Variants in SPAG16 observed in about 807,000 individuals in gnomAD.
SPAG16 encodes sperm-associated antigen 16 protein.
SPAG16 carries 86 observed loss-of-function variants against 80.4 expected under a neutral mutation model. The ratio of observed to expected loss-of-function variants is 1.07; its 90% CI spans 0.90 to 1.28. SPAG16 has a LOEUF of 1.28. SPAG16 is among the 50% of genes most tolerant of loss of function. The probability of loss-of-function intolerance (pLI) is 0.00; values close to 1 mark genes in which losing one functional copy is unlikely to be tolerated. For missense variants in SPAG16, 870 were observed against 765.3 expected, an observed-to-expected ratio of 1.14 and a Z score of -1.61; for synonymous variants, 294 against 265.9, an observed-to-expected ratio of 1.11 and a Z score of -1.03.
intron 9 of SPAG16, among the ~76,000 whole-genome samples, chr2:213,435,876 C>T (rs191891534): frequency 7.2e-5 from 11 of 152,200 alleles, no homozygotes; most frequent in African/African-American, 2.4e-4. Flanking sequence ...TTTATAATCC[C>T]GGTACTACTT....
At chr2:213,345,845 G>C (rs2064949547) in intron 6 of SPAG16, among the ~76,000 whole-genome samples, 1 of 152,132 alleles carries the variant, frequency 6.6e-6, no homozygotes, top group Admixed American at 6.5e-5. Context: ...TTTTGCTTAG[G>C]ATTGACTTAG....
At chr2:213,888,129 TTA>T (rs573517773) in intron 11 of SPAG16, among the ~76,000 whole-genome samples, 61 of 152,064 alleles carry the variant, frequency 4.0e-4, no homozygotes, top group Non-Finnish European at 7.5e-4. Context: ...TTGAATAGAC[TTA>T]TGTTTTCTTA....
chr2:213,891,654 C>T (rs1484658281), intron 11 of SPAG16, among the ~76,000 whole-genome samples: 3 of 151,948 alleles, frequency 2.0e-5, no homozygotes, highest in Non-Finnish European at 2.9e-5. Context: ...AACAGAAAGC[C>T]GAAAACAAAT....
At chr2:214,184,942 T>A (rs2057421708) in intron 15 of SPAG16, among the ~76,000 whole-genome samples, 1 of 152,130 alleles carries the variant, frequency 6.6e-6, no homozygotes, top group Non-Finnish European at 1.5e-5. Context: ...TTTAAAAATT[T>A]TTTTTTTGCT....
intron 10 of SPAG16, among the ~76,000 whole-genome samples, chr2:213,770,428 T>C (rs1038792062): frequency 1.1e-4 from 16 of 152,288 alleles, no homozygotes; most frequent in East Asian, 3.9e-4. Flanking sequence ...CTCAACACTG[T>C]AATTTTAGGA....
chr2:213,836,780 A>AT (rs1469507928), intron 10 of SPAG16, among the ~76,000 whole-genome samples: 11 of 151,916 alleles, frequency 7.2e-5, no homozygotes, highest in South Asian at 4.2e-4. Flanking sequence ...CACCTGGCTA[A>AT]TTTTTGTATT....
rs183423874 is a variant in SPAG16 at position 214,297,599 on chromosome 2, T to G, written c.1721-112541T>G. Among the ~76,000 whole-genome samples the G allele has an allele frequency of 7.5e-4, 114 of 152,246 alleles. 1 individual carries two copies. The highest frequency in any genetic ancestry group is 2.5e-3 in the African/African-American group (103 of 41,556). ...TTGTTTATTATCATTGTTTCTTTCTTTCCCCATTGTTTATTTTTGCTGACA... is the reference window on the plus strand; with the variant it reads ...TTGTTTATTATCATTGTTTCTTTCTGTCCCCATTGTTTATTTTTGCTGACA... On this transcript the variant is annotated intron_variant, in intron 15 of 15. Coordinates refer to ENST00000331683, the MANE Select transcript of SPAG16 (RefSeq NM_024532.5).
chr2:213,859,423 C>T (rs2075326791), intron 10 of SPAG16, among the ~76,000 whole-genome samples: 1 of 151,948 alleles, frequency 6.6e-6, no homozygotes, highest in Non-Finnish European at 1.5e-5. Context: ...GTTCTTCTAA[C>T]CCCTCTAACA....
chr2:213,510,974 C>T (rs2075202048), intron 10 of SPAG16, among the ~76,000 whole-genome samples: 1 of 152,020 alleles, frequency 6.6e-6, no homozygotes, highest in Non-Finnish European at 1.5e-5. Context: ...TTTATAAAAG[C>T]ATCTCAGTTA....
chr2:214,227,454 T>C (rs1259427022), intron 15 of SPAG16, among the ~76,000 whole-genome samples: 1 of 152,018 alleles, frequency 6.6e-6, no homozygotes, highest in Non-Finnish European at 1.5e-5. Context: ...TTTCCTATTA[T>C]CCTTGATTCA....
intron 10 of SPAG16, among the ~76,000 whole-genome samples, chr2:213,669,751 G>T (rs1171546592): frequency 3.3e-5 from 5 of 152,138 alleles, no homozygotes; most frequent in Non-Finnish European, 7.4e-5. Context: ...CTAGGCAGTA[G>T]CTTATTAGCA....
intron 11 of SPAG16, among the ~76,000 whole-genome samples, chr2:213,924,907 T>C (rs77590790): frequency 0.011 from 1,719 of 152,222 alleles, 10 homozygotes; most frequent in Non-Finnish European, 0.013. Flanking sequence ...GCTTTTTTCC[T>C]CCTTTCCTAT....
At chr2:214,132,929 C>T (rs2054854079) in intron 14 of SPAG16, among the ~76,000 whole-genome samples, 1 of 151,700 alleles carries the variant, frequency 6.6e-6, no homozygotes, top group African/African-American at 2.4e-5. Flanking sequence ...CCCGTCTCTA[C>T]TAAAAATACA....
chr2:213,866,772 A>G (rs985157287), intron 11 of SPAG16, among the ~76,000 whole-genome samples: 1 of 152,242 alleles, frequency 6.6e-6, no homozygotes, highest in African/African-American at 2.4e-5. Context: ...ACATCTGTCT[A>G]TGGAAGCTTA....
In SPAG16 at chr2:213,647,142, A is replaced by G. The variant is rs576395609; in HGVS notation, c.1070+157052A>G. ...AATGAGGTGAAGGAAGAGAAAATAA[A>G]TACATATTAATGATTGGTGAGATTC... On this transcript the variant is annotated intron_variant, in intron 10 of 15. Coordinates refer to ENST00000331683, the MANE Select transcript of SPAG16 (RefSeq NM_024532.5). Among the ~76,000 whole-genome samples the G allele has an allele frequency of 2.0e-5, 3 of 152,312 alleles. No individual in the cohort carries two copies. The South Asian group carries it at 6.2e-4, about 32-fold the overall frequency.
At chr2:214,345,491 A>G (rs1194809810) in intron 15 of SPAG16, among the ~76,000 whole-genome samples, 1 of 151,872 alleles carries the variant, frequency 6.6e-6, no homozygotes, top group African/African-American at 2.4e-5. Flanking sequence ...TTCTAAAACA[A>G]TTTTTCTGTC....
intron 13 of SPAG16, among the ~76,000 whole-genome samples, chr2:214,053,258 T>A (rs2049755545): frequency 6.6e-6 from 1 of 152,178 alleles, no homozygotes; most frequent in Non-Finnish European, 1.5e-5. Context: ...TTTTAATTTA[T>A]AAGAGGAGAA....
At chr2:213,832,620 G>A (rs113761807) in intron 10 of SPAG16, among the ~76,000 whole-genome samples, 1 of 152,012 alleles carries the variant, frequency 6.6e-6, no homozygotes, top group African/African-American at 2.4e-5. Flanking sequence ...TAGGAGAGAG[G>A]AATCCTACAC....
chr2:213,456,435 A>G (rs2072015493), intron 9 of SPAG16, among the ~76,000 whole-genome samples: 1 of 152,248 alleles, frequency 6.6e-6, no homozygotes, highest in Non-Finnish European at 1.5e-5. Context: ...ATATAGCAGA[A>G]GGAAGAAGCA....
Sources: gnomAD v4.1 joint callset for allele counts (sites outside exome capture counted in the v4.1 genomes callset) on GRCh38, gnomAD v4.1.1 for gene constraint, MANE v1.5 for transcripts, NCBI Gene and HGNC (gene_info 2026-07-23, HGNC 2026-07-21) for gene names.